The following COIL variants were observed in gnomAD, a reference collection of about 807,000 sequenced individuals.
COIL encodes the protein coilin.
COIL carries 28 observed loss-of-function variants against 51.6 expected under a neutral mutation model. The observed-to-expected ratio is 0.54, with a 90% CI of 0.40 to 0.74. The LOEUF is 0.74. Ranked by LOEUF, COIL falls within the 30% of genes least tolerant of loss-of-function variation. The pLI is 0.00. For synonymous variants in COIL, 233 were observed against 255.8 expected (o/e 0.91, Z 0.85); for missense variants, 667 against 685.9 (o/e 0.97, Z 0.31).
chr17:56,950,763 T>C lies in COIL; in HGVS notation c.479A>G (p.Lys160Arg), dbSNP rs751865741. The stretch of plus-strand genomic sequence containing the variant: ...TGCTTTATTTTTTCTCTTGTTTTTT[T>C]TGCTGACAGTCTGATCTGTGACAGC... ...PKAVTDQTVSKKNKRKNKATC... is the reference protein window; with the variant it reads ...PKAVTDQTVSRKNKRKNKATC... Residue 160 changes from lysine (K) to arginine (R), a missense_variant, in exon 2 of 7, where the codon AAA (lysine) becomes AGA (arginine). Coordinates refer to ENST00000240316, the MANE Select transcript of COIL (RefSeq NM_004645.3). 1 of 1,614,118 alleles carries C rather than the reference T, an allele frequency of 6.2e-7. No individual in the cohort carries two copies. The highest frequency in any genetic ancestry group is 1.7e-5 in the Admixed American group (1 of 60,018).
Position 56,949,681 on chromosome 17 carries a change from C to T in COIL, c.1440G>A (p.Lys480=). 1 of 1,612,752 alleles carries T rather than the reference C, an allele frequency of 6.2e-7. No homozygotes were observed. The highest frequency in any genetic ancestry group is 1.7e-5 in the Admixed American group (1 of 60,016). ...APQVGEKIAF[K]LLELTSSYSP... ...CTGTGACTGTTCTTTTGAAATATAC[C>T]TTAAATGCAATCTTTTCTCCAACTT... The change falls in exon 3 of 7, where the codon AAG becomes AAA. Residue 480 remains lysine, a splice_region_variant and synonymous_variant. Transcript: ENST00000240316.
chr17:56,952,748 G>A (rs1390573788), intron 1 of COIL, among the ~76,000 whole-genome samples: 1 of 152,032 alleles, frequency 6.6e-6, no homozygotes, highest in Non-Finnish European at 1.5e-5. Flanking sequence ...ACAATCCTAT[G>A]AGCCAATTCC....
Position 56,950,144 on chromosome 17 carries a change from T to A in COIL, c.1098A>T (p.Gly366=), listed in dbSNP as rs1448741735. 6.2e-7 allele frequency: 1 copy of A among 1,614,154 alleles called. No individual in the cohort carries two copies. The highest frequency in any genetic ancestry group is 1.7e-5 in the Admixed American group (1 of 60,012). Residue 366 remains glycine (G), a synonymous_variant, in exon 2 of 7, where the codon GGA becomes GGT. Transcript: ENST00000240316. ...CACCATTTGAGCCAGAACGCCTCCA[T>A]CCAGCAGCACCTGCAGTCTGTGATG... The part of the protein sequence containing the change: ...GLSSQTAGAA[G]WRRSGSNGGG...
chr17:56,941,167 C>T lies in COIL; in HGVS notation c.1647+868G>A, dbSNP rs570471027. On this transcript the variant is annotated intron_variant, in intron 6 of 6. Coordinates refer to ENST00000240316, the MANE Select transcript of COIL (RefSeq NM_004645.3). ...AAAAAAAAAAAAAAAAAGGTATAAA[C>T]CATATACTTCCCAAAATGGCAATTT... 6 of 147,034 alleles carry T rather than the reference C, an allele frequency of 4.1e-5. No individual in the cohort carries two copies. In the East Asian group the frequency reaches 8.1e-4, roughly 20 times the overall value. 9.1% of individuals were successfully genotyped at this position (147,034 alleles called of 1,614,324 possible).
chr17:56,940,488 A>G (rs1353470764), intron 6 of COIL, among the ~76,000 whole-genome samples: 1 of 152,146 alleles, frequency 6.6e-6, no homozygotes, highest in Admixed American at 6.6e-5. Context: ...TAATTTTCCA[A>G]TGCGGTTTCC....
At chr17:56,952,769 T>C (rs1910397426) in intron 1 of COIL, among the ~76,000 whole-genome samples, 1 of 151,760 alleles carries the variant, frequency 6.6e-6, no homozygotes, top group African/African-American at 2.4e-5. Context: ...TTACAATAAA[T>C]CCCATGTCTG....
In COIL at chr17:56,956,716, C is replaced by G. The variant is rs369496072; in HGVS notation, c.245+4059G>C. On this transcript the variant is annotated intron_variant, in intron 1 of 6. Coordinates refer to ENST00000240316, the MANE Select transcript of COIL (RefSeq NM_004645.3). ...AAATGATCCTCCCACCTCAGCCCCT[C>G]AAGCAGCTGGGACTACAGGCATGTG... is the stretch of plus-strand genomic sequence containing the variant. Among the ~76,000 whole-genome samples, 4 of 152,238 alleles carry G rather than the reference C, an allele frequency of 2.6e-5. No individual in the cohort carries two copies. In the East Asian group the frequency reaches 7.7e-4, roughly 29 times the overall value.
intron 1 of COIL, among the ~76,000 whole-genome samples, chr17:56,959,735 C>T (rs920946213): frequency 6.6e-6 from 1 of 152,234 alleles, no homozygotes; most frequent in African/African-American, 2.4e-5. Flanking sequence ...TGAAGGCCGC[C>T]ATGGGTAAGG....
In COIL at chr17:56,952,252, G is replaced by A. The variant is rs774742300; in HGVS notation, c.246-1256C>T. 22 of 490,180 alleles carry A rather than the reference G, an allele frequency of 4.5e-5. 2 individuals are homozygous for A. Among genetic ancestry groups the A allele is most frequent in the South Asian group, 1.0e-4 (7 of 67,106 alleles). 30.4% of individuals were successfully genotyped at this position (490,180 alleles called of 1,614,324 possible). ...TGGAATAATCAGCCTCAGATTTGAC[G>A]TGCAACTCAAAGATCTAGAAAAATG... On this transcript the variant is annotated intron_variant, in intron 1 of 6. Coordinates refer to ENST00000240316, the MANE Select transcript of COIL (RefSeq NM_004645.3).
At chr17:56,941,184 T>C (rs1444225875) in intron 6 of COIL, 1 of 139,796 alleles carries the variant, frequency 7.2e-6, no homozygotes, top group African/African-American at 2.7e-5. Flanking sequence ...CTTCCCAAAA[T>C]GGCAATTTAA....
rs770844396 is a variant in COIL, at chr17:56,950,296, T to C, written c.946A>G (p.Ser316Gly). The C allele has an allele frequency of 6.8e-6, 11 of 1,614,250 alleles. No individual in the cohort carries two copies. The highest frequency in any genetic ancestry group is 8.5e-6 in the Non-Finnish European group (10 of 1,180,044). Reference protein sequence around the residue: ...KGKTSGTTSSSSDSSAESDDQ... With the variant: ...KGKTSGTTSSGSDSSAESDDQ... ...TCTGACTCTGCACTAGAGTCTGAAC[T>C]GGAAGATGTTGTTCCAGAGGTCTTG... The change falls in exon 2 of 7, where the codon AGT (serine) becomes GGT (glycine). Residue 316 changes from serine to glycine, a missense_variant. Physicochemically the swap from Ser to Gly is moderately conservative, Grantham distance 56. Transcript: ENST00000240316.
Position 56,950,175 on chromosome 17 carries a change from C to T in COIL, c.1067G>A (p.Gly356Glu). The change falls in exon 2 of 7, where the codon GGG becomes GAG. Residue 356 changes from glycine to glutamate, a missense_variant. Transcript: ENST00000240316. ...LFAGRGRPGP[G>E]LSSQTAGAAG... ...AGCACCTGCAGTCTGTGATGACAGC[C>T]CTGGGCCTGGACGACCTCTTCCTGC... 3 of 1,614,140 alleles carry T rather than the reference C, an allele frequency of 1.9e-6. No individual in the cohort carries two copies. Among genetic ancestry groups the T allele is most frequent in the Non-Finnish European group, 2.5e-6 (3 of 1,180,022 alleles).
intron 4 of COIL, among the ~76,000 whole-genome samples, chr17:56,947,084 T>A (rs556606450): frequency 6.6e-6 from 1 of 152,150 alleles, no homozygotes; most frequent in Non-Finnish European, 1.5e-5. Flanking sequence ...GAGGATGCAC[T>A]GCCCATGCAC....
At chr17:56,943,097 A>G (rs1910178524) in intron 5 of COIL, among the ~76,000 whole-genome samples, 1 of 152,150 alleles carries the variant, frequency 6.6e-6, no homozygotes, top group Non-Finnish European at 1.5e-5. Context: ...TAAGAAACTT[A>G]TCAGGGGGAG....
intron 4 of COIL, 79 bp downstream of exon 4, chr17:56,949,308 T>C: frequency 1.8e-6 from 2 of 1,131,618 alleles, no homozygotes; most frequent in Non-Finnish European, 2.5e-6. Context: ...CAAATCTGTA[T>C]TATCCATACA....
At position 56,943,800 on chromosome 17, in the gene COIL, T is replaced by TA. The variant is rs569073331; in HGVS notation, c.1559-1678dup. ...TAACTAAACCAGGGTAACTGAAATA[T>TA]ATGTATATCAGAACCACCACATCAA... On this transcript the variant is annotated intron_variant, in intron 5 of 6. Transcript: ENST00000240316. 1.2e-4 allele frequency among the ~76,000 whole-genome samples: 19 copies of TA among 152,334 alleles called. No homozygotes were observed. The South Asian group carries it at 3.3e-3, about 27-fold the overall frequency.
chr17:56,942,719 T>A lies in COIL; in HGVS notation c.1559-596A>T, dbSNP rs1478403076. ...TTAGTTGAGACAGGGTTTCACCATG[T>A]TGGCCAGGTTGGTCTCAAACTTCTG... On this transcript the variant is annotated intron_variant, in intron 5 of 6. Coordinates refer to ENST00000240316, the MANE Select transcript of COIL (RefSeq NM_004645.3). Among the ~76,000 whole-genome samples the A allele has an allele frequency of 2.6e-5, 4 of 152,284 alleles. No homozygotes were observed. The East Asian group carries it at 7.7e-4, about 29-fold the overall frequency.
In COIL at chr17:56,950,307, G is replaced by T. The variant is rs1910335814; in HGVS notation, c.935C>A (p.Thr312Lys). Residue 312 changes from threonine to lysine, a missense_variant, in exon 2 of 7, where the codon ACA becomes AAA. Physicochemically the swap from Thr to Lys is moderately conservative, Grantham distance 78 (BLOSUM62 -1). Transcript: ENST00000240316. The part of the protein sequence containing the change: ...LTPSKGKTSG[T>K]TSSSSDSSAE... ...ACTAGAGTCTGAACTGGAAGATGTT[G>T]TTCCAGAGGTCTTGCCCTTGCTGGG... 6.2e-7 allele frequency: 1 copy of T among 1,614,240 alleles called. No individual in the cohort carries two copies. Among genetic ancestry groups the T allele is most frequent in the Non-Finnish European group, 8.5e-7 (1 of 1,180,040 alleles).
chr17:56,947,534 G>A (rs1407874835), intron 4 of COIL, among the ~76,000 whole-genome samples: 2 of 152,204 alleles, frequency 1.3e-5, no homozygotes, highest in East Asian at 3.9e-4. Flanking sequence ...GCAGTGGCAT[G>A]ATCTCAGCTC....
Sources: gnomAD v4.1 joint callset for allele counts (sites outside exome capture counted in the v4.1 genomes callset) on GRCh38, gnomAD v4.1.1 for gene constraint, MANE v1.5 for transcripts, NCBI Gene and HGNC (gene_info 2026-07-23, HGNC 2026-07-21) for gene names.